ZFHX3: variants seen among roughly 807,000 people sequenced by gnomAD.
ZFHX3 encodes the protein zinc finger homeobox 3.
Under a neutral mutation model 279.1 loss-of-function variants are expected in ZFHX3, and 42 were observed. The observed-to-expected ratio is 0.15, with a 90% confidence interval of 0.12 to 0.19. The LOEUF is 0.19. Ranked by LOEUF, ZFHX3 falls within the 10% of genes least tolerant of loss-of-function variation. The pLI is 1.00. For missense variants in ZFHX3, 4,981 were observed against 4,754.0 expected (o/e 1.05, Z -1.40); for synonymous variants, 2,293 against 1,957.8 (o/e 1.17, Z -4.52).
chr16:73,350,300 C>T (rs969797241), intron 3 of ZFHX3, among the ~76,000 whole-genome samples: 3 of 152,160 alleles, frequency 2.0e-5, no homozygotes, highest in Non-Finnish European at 1.5e-5. Context: ...AATGCGGCCG[C>T]TCCTTCTTGC....
At position 73,807,620 on chromosome 16, in the gene ZFHX3, A is replaced by ATTTTTTTTTTTTTTTTT. The variant is rs55806545; in HGVS notation, c.-1608+84014_-1608+84030dup. 1.6e-4 allele frequency among the ~76,000 whole-genome samples: 11 copies of ATTTTTTTTTTTTTTTTT among 70,582 alleles called. 1 individual carries two copies. The highest frequency in any genetic ancestry group is 6.0e-4 in the African/African-American group (11 of 18,276). 46.3% of individuals were successfully genotyped at this position (70,582 alleles called of 152,430 possible). A position where few individuals can be genotyped will look rare whatever the true frequency, so the allele number is the denominator to read the frequency against. On this transcript the variant is annotated intron_variant, in intron 1 of 17. Coordinates refer to the ZFHX3 transcript ENST00000641206. ...TACAGGCACATTCCACCATGCCCCA[A>ATTTTTTTTTTTTTTTTT]TTTTTTTTTTTTTTTTTTTTTTTTT...
At chr16:73,428,966 C>T (rs1459360173) in intron 3 of ZFHX3, among the ~76,000 whole-genome samples, 4 of 152,160 alleles carry the variant, frequency 2.6e-5, no homozygotes, top group Admixed American at 6.5e-5. Flanking sequence ...TCTTCCTTCA[C>T]GAGGCCACCA....
intron 3 of ZFHX3, among the ~76,000 whole-genome samples, chr16:73,343,878 A>G (rs2016079311): frequency 6.6e-6 from 1 of 152,248 alleles, no homozygotes. Flanking sequence ...AAATGGATGC[A>G]TAAATATATC....
In ZFHX3 at chr16:72,795,648, T is replaced by C; in HGVS notation, c.7034A>G (p.Lys2345Arg). ...LVFQRIFDLI[K>R]HQKKLCYKDE... ...CTTGTAACACAGCTTCTTCTGGTGCTTGATGAGATCAAAGATGCGCTGAAA... is the reference window on the plus strand; with the variant it reads ...CTTGTAACACAGCTTCTTCTGGTGCCTGATGAGATCAAAGATGCGCTGAAA... The change falls in exon 9 of 10, where the codon AAG (lysine) becomes AGG (arginine). Residue 2345 changes from lysine (K) to arginine (R), a missense_variant. Lys to Arg is a conservative substitution (Grantham distance 26). Transcript: ENST00000268489. 1 of 1,614,034 alleles carries C rather than the reference T, an allele frequency of 6.2e-7. No homozygotes were observed. Among genetic ancestry groups the C allele is most frequent in the Non-Finnish European group, 8.5e-7 (1 of 1,179,974 alleles).
chr16:73,072,420 A>G (rs1315368022), intron 8 of ZFHX3, among the ~76,000 whole-genome samples: 8 of 145,108 alleles, frequency 5.5e-5, no homozygotes, highest in African/African-American at 2.1e-4. Context: ...CTTCAGCCTG[A>G]GCAACAAGAG....
At chr16:73,544,356 A>G (rs976421639) in intron 2 of ZFHX3, among the ~76,000 whole-genome samples, 3 of 152,296 alleles carry the variant, frequency 2.0e-5, no homozygotes, top group Non-Finnish European at 4.4e-5. Flanking sequence ...CTCCCCGCTT[A>G]GGGTAAATTT....
At chr16:72,835,362 T>C (rs1010715150) in intron 4 of ZFHX3, among the ~76,000 whole-genome samples, 4 of 152,062 alleles carry the variant, frequency 2.6e-5, no homozygotes, top group Non-Finnish European at 5.9e-5. Flanking sequence ...GTTCTGAATA[T>C]GTATAACCCA....
Position 72,794,188 on chromosome 16 carries a change from T to C in ZFHX3, c.8494A>G (p.Asn2832Asp). ...GTGTTGACAGAGGAACAGTCATCGT[T>C]GTCCAGCTTAGTTTGGTCAAAGTTT... Reference protein sequence around the residue: ...NLNFDQTKLDNDDCSSVNTAI... With the variant: ...NLNFDQTKLDDDDCSSVNTAI... The change falls in exon 9 of 10, where the codon AAC becomes GAC. Residue 2832 changes from asparagine (N) to aspartate (D), a missense_variant. Physicochemically the swap from Asn to Asp is conservative, Grantham distance 23 (BLOSUM62 1). Transcript: ENST00000268489. This position sits in a 1 kb window ranked among gnomAD's most constrained non-coding sequence, Gnocchi z 4.2. 1 of 1,614,222 alleles carries C rather than the reference T, an allele frequency of 6.2e-7. No homozygotes were observed. The highest frequency in any genetic ancestry group is 8.5e-7 in the Non-Finnish European group (1 of 1,180,038).
rs143909254 is a variant in ZFHX3 at position 72,793,563 on chromosome 16, C to T, written c.9119G>A (p.Arg3040His). ...GIKYSARLSVRDHIFSQQHIS... is the reference protein window; with the variant it reads ...GIKYSARLSVHDHIFSQQHIS... The stretch of plus-strand genomic sequence containing the variant: ...ATGCTGTTGGGAAAAGATATGGTCA[C>T]GTACAGACAGCCGAGCGCTGTACTT... The change falls in exon 9 of 10, where the codon CGT (arginine) becomes CAT (histidine). Residue 3040 changes from arginine (R) to histidine (H), a missense_variant. This residue lies in a region of ZFHX3 where 168 missense variants were observed against 249.1 expected (regional missense o/e 0.67). Coordinates refer to ENST00000268489, the MANE Select transcript of ZFHX3 (RefSeq NM_006885.4). The surrounding 1 kb of genome is among the most constrained non-coding windows in gnomAD (Gnocchi z 4.3). 1.2e-5 allele frequency: 20 copies of T among 1,614,084 alleles called. 1 individual carries two copies. Among genetic ancestry groups the T allele is most frequent in the South Asian group, 6.6e-5 (6 of 91,092 alleles).
Position 72,957,699 on chromosome 16 carries a change from G to A in ZFHX3, c.2447C>T (p.Ala816Val), listed in dbSNP as rs1275185389. 1 of 1,614,126 alleles carries A rather than the reference G, an allele frequency of 6.2e-7. No homozygotes were observed. Among genetic ancestry groups the A allele is most frequent in the South Asian group, 1.1e-5 (1 of 91,072 alleles). ...CEVCDYETNV[A>V]RNLRIHMTSE... ...GGTCATGTGAATGCGGAGGTTCCTG[G>A]CCACGTTGGTCTCATAATCACACAC... Residue 816 changes from alanine to valine, a missense_variant, in exon 2 of 10, where the codon GCC becomes GTC. This residue lies in a region of ZFHX3 where 1,751 missense variants were observed against 1,770.0 expected (regional missense o/e 0.99). Transcript: ENST00000268489.
chr16:72,882,013 C>G (rs1253199796), intron 4 of ZFHX3, among the ~76,000 whole-genome samples: 1 of 152,090 alleles, frequency 6.6e-6, no homozygotes, highest in Non-Finnish European at 1.5e-5. Flanking sequence ...CCTTGGGGGT[C>G]CCCATGTCAC....
At chr16:73,065,457 G>C (rs899071500) in intron 8 of ZFHX3, among the ~76,000 whole-genome samples, 1 of 151,904 alleles carries the variant, frequency 6.6e-6, no homozygotes, top group African/African-American at 2.4e-5. Context: ...TAAACGTGAG[G>C]GTTTTTTTTT....
At chr16:73,665,897 G>A (rs749339583) in intron 2 of ZFHX3, among the ~76,000 whole-genome samples, 18 of 146,406 alleles carry the variant, frequency 1.2e-4, no homozygotes, top group Non-Finnish European at 2.4e-4. Flanking sequence ...CTCACTGCAA[G>A]GTCTGCCTCC....
At chr16:73,722,085 A>C (rs550155202) in intron 1 of ZFHX3, among the ~76,000 whole-genome samples, 1 of 152,146 alleles carries the variant, frequency 6.6e-6, no homozygotes, top group South Asian at 2.1e-4. Context: ...TTATTCATCC[A>C]TTTGCTCATT....
intron 7 of ZFHX3, among the ~76,000 whole-genome samples, chr16:73,102,815 A>G (rs1270642383): frequency 6.6e-6 from 1 of 152,232 alleles, no homozygotes; most frequent in Non-Finnish European, 1.5e-5. Context: ...ACAGGTTGTT[A>G]TAAAGGTCAA....
intron 2 of ZFHX3, among the ~76,000 whole-genome samples, chr16:73,616,439 A>C (rs2052302396): frequency 6.8e-6 from 1 of 147,880 alleles, no homozygotes; most frequent in South Asian, 2.2e-4. Flanking sequence ...AAAAAAAAAA[A>C]AACACCAATG....
chr16:73,891,467 A>G (rs543914611), intron 1 of ZFHX3, among the ~76,000 whole-genome samples: 1 of 152,220 alleles, frequency 6.6e-6, no homozygotes, highest in African/African-American at 2.4e-5. Flanking sequence ...TCCCCGATCC[A>G]TAAAGAAAAC....
intron 3 of ZFHX3, among the ~76,000 whole-genome samples, chr16:73,388,649 C>T (rs921316785): frequency 6.6e-6 from 1 of 152,170 alleles, no homozygotes; most frequent in Non-Finnish European, 1.5e-5. Context: ...AGCTCCTTTC[C>T]TCCTGAGAGT....
At chr16:73,518,577 C>T (rs2019561247) in intron 2 of ZFHX3, among the ~76,000 whole-genome samples, 1 of 152,098 alleles carries the variant, frequency 6.6e-6, no homozygotes, top group Non-Finnish European at 1.5e-5. Flanking sequence ...AAGACTCTGC[C>T]CCGAGCAAGA....
Sources: allele counts gnomAD v4.1 joint callset (sites outside exome capture counted in the v4.1 genomes callset), GRCh38; gene constraint gnomAD v4.1.1; regional missense constraint gnomAD v4.1.1; non-coding constraint Gnocchi (gnomAD v3.1); transcripts MANE v1.5; gene names NCBI Gene and HGNC (gene_info 2026-07-23, HGNC 2026-07-21).